UNC13B: variants seen among roughly 807,000 people sequenced by gnomAD.
UNC13B encodes protein unc-13 homolog B.
UNC13B carries 144 observed loss-of-function variants against 211.0 expected under a neutral mutation model. The ratio of observed to expected loss-of-function variants is 0.68; its 90% CI spans 0.60 to 0.78. The LOEUF (loss-of-function observed/expected upper bound fraction) is 0.78, where lower values mean the gene tolerates loss of function less well. Among genes scored for constraint, UNC13B ranks in the 30% least tolerant of loss-of-function variants. UNC13B has a pLI of 0.00. For synonymous variants in UNC13B, 709 were observed against 725.8 expected, an observed-to-expected ratio of 0.98 and a Z score of 0.37; for missense variants, 1,777 against 2,002.0, an observed-to-expected ratio of 0.89 and a Z score of 2.14.
At chr9:35,363,655 C>T (rs1055040074) in intron 11 of UNC13B, among the ~76,000 whole-genome samples, 2 of 152,160 alleles carry the variant, frequency 1.3e-5, no homozygotes, top group African/African-American at 4.8e-5. Flanking sequence ...TGGAGGGGCA[C>T]TAATGGACCA....
intron 1 of UNC13B, among the ~76,000 whole-genome samples, chr9:35,218,779 C>T (rs1310057977): frequency 4.0e-5 from 6 of 149,118 alleles, no homozygotes; most frequent in Middle Eastern, 3.4e-3. Context: ...GATGGAGTTT[C>T]GCTCTTGTTG....
chr9:35,385,111 GCTCAGCATCTCCCTTCAGCT>G, intron 22 of UNC13B: 1 of 985,420 alleles, frequency 1.0e-6, no homozygotes, highest in Non-Finnish European at 1.2e-6. Context: ...GTGAAGACAG[GCTCAGCATCTCCCTTCAGCT>G]CTTCATAGCA....
chr9:35,173,565 A>C (rs2131268617), intron 1 of UNC13B, among the ~76,000 whole-genome samples: 1 of 152,066 alleles, frequency 6.6e-6, no homozygotes, highest in Non-Finnish European at 1.5e-5. Context: ...TTGGGATTAC[A>C]GGCCCTCACC....
At chr9:35,270,853 A>G (rs1270718117) in intron 7 of UNC13B, among the ~76,000 whole-genome samples, 1 of 152,032 alleles carries the variant, frequency 6.6e-6, no homozygotes, top group Admixed American at 6.5e-5. Context: ...TTAAAAAGGC[A>G]TTTTCGGCCA....
chr9:35,302,974 A>G lies in UNC13B; in HGVS notation c.3570A>G (p.Leu1190=), dbSNP rs1829758875. 1 of 398,620 alleles carries G rather than the reference A, an allele frequency of 2.5e-6. No homozygotes were observed. 24.7% of individuals were successfully genotyped at this position (398,620 alleles called of 1,614,324 possible). Residue 1190 remains leucine, a synonymous_variant, in exon 9 of 40, where the codon CTA becomes CTG. Transcript: ENST00000635942. The part of the protein sequence containing the change: ...PGLISGIFNL[L]SNSGMIDHKP... ...TAATCTCTGGAATATTTAACCTGCT[A>G]TCAAATAGCGGTATGATTGATCATA...
rs976958764 is a variant in UNC13B at position 35,380,836 on chromosome 9, G to A, written c.10375+197G>A. Among the ~76,000 whole-genome samples, 3 of 152,156 alleles carry A rather than the reference G, an allele frequency of 2.0e-5. No individual in the cohort carries two copies. The South Asian group carries it at 6.2e-4, about 32-fold the overall frequency. ...TGGCTGTGAGTCACTCTGGCTGAAT[G>A]TTCTCTAGGTTTCAGAAGGCCCTTT... On this transcript the variant is annotated intron_variant, in intron 18 of 39. Transcript: ENST00000635942.
intron 11 of UNC13B, among the ~76,000 whole-genome samples, chr9:35,363,121 G>A (rs1191794653): frequency 6.6e-6 from 1 of 152,188 alleles, no homozygotes; most frequent in Non-Finnish European, 1.5e-5. Flanking sequence ...TTAGATTGTA[G>A]GAATGTATAT....
intron 11 of UNC13B, among the ~76,000 whole-genome samples, chr9:35,363,082 G>T (rs1299987829): frequency 6.6e-6 from 1 of 152,170 alleles, no homozygotes; most frequent in East Asian, 1.9e-4. Flanking sequence ...GGGGTTTTGA[G>T]TATGTGACGT....
Position 35,396,952 on chromosome 9 carries a change from T to C in UNC13B, c.11532+15T>C, listed in dbSNP as rs759674610. On this transcript the variant is annotated intron_variant, in intron 28 of 39. Coordinates refer to ENST00000635942, the MANE Select transcript of UNC13B (RefSeq NM_001371189.2). The stretch of plus-strand genomic sequence containing the variant: ...AGAAGGATGGAGTAAGTCAGGGGCT[T>C]TGGCTGCACCGGGTTCAGGCCAGGT... 1.3e-5 allele frequency: 21 copies of C among 1,613,876 alleles called. No homozygotes were observed. The highest frequency in any genetic ancestry group is 8.3e-5 in the Admixed American group (5 of 60,002).
At chr9:35,378,190 A>G in intron 16 of UNC13B, 105 bp from the exon 17 acceptor site, 3 of 1,429,630 alleles carry the variant, frequency 2.1e-6, no homozygotes, top group African/African-American at 1.4e-5. Flanking sequence ...GGATTACGGT[A>G]TCTGTGCAAG....
intron 26 of UNC13B, among the ~76,000 whole-genome samples, chr9:35,393,478 G>A (rs1263761433): frequency 6.6e-6 from 1 of 152,102 alleles, no homozygotes; most frequent in Non-Finnish European, 1.5e-5. Flanking sequence ...TCAGAGGGTA[G>A]GGGAAGAGAT....
chr9:35,319,024 T>C (rs1830602644), intron 11 of UNC13B, among the ~76,000 whole-genome samples: 1 of 152,230 alleles, frequency 6.6e-6, no homozygotes, highest in African/African-American at 2.4e-5. Context: ...ACTTTGGCTC[T>C]TAAAACTTCT....
At chr9:35,173,670 C>T (rs1241182038) in intron 1 of UNC13B, among the ~76,000 whole-genome samples, 5 of 152,122 alleles carry the variant, frequency 3.3e-5, no homozygotes, top group African/African-American at 7.2e-5. Flanking sequence ...GTAATCCGCC[C>T]GCCTCAGCCT....
chr9:35,194,151 G>C (rs754889278), intron 1 of UNC13B, among the ~76,000 whole-genome samples: 1 of 152,114 alleles, frequency 6.6e-6, no homozygotes, highest in Non-Finnish European at 1.5e-5. Context: ...GCTCACTGTC[G>C]GGGGGAGCCT....
In UNC13B at chr9:35,382,494, C is replaced by T; in HGVS notation, c.10793C>T (p.Ala3598Val). Residue 3598 changes from alanine (A) to valine (V), a missense_variant, in exon 21 of 40, where the codon GCC (alanine) becomes GTC (valine). Transcript: ENST00000635942. The stretch of plus-strand genomic sequence containing the variant: ...GTCTCTGCATCTGATCGCTTTGCAG[C>T]CTCCAACTTTGGGGTAAGTATCATG... The part of the protein sequence containing the change: ...TNVSASDRFA[A>V]SNFGKERFVK... 3.7e-6 allele frequency: 6 copies of T among 1,613,068 alleles called. No homozygotes were observed. The highest frequency in any genetic ancestry group is 5.1e-6 in the Non-Finnish European group (6 of 1,179,766).
At chr9:35,399,808 G>A (rs1330435491) in intron 36 of UNC13B, 79 bp downstream of exon 36, 3 of 1,426,856 alleles carry the variant, frequency 2.1e-6, no homozygotes, top group Admixed American at 3.4e-5. Context: ...CAGACCAGGT[G>A]TCCCTCCAAT....
intron 11 of UNC13B, among the ~76,000 whole-genome samples, chr9:35,366,442 T>C (rs1833775849): frequency 6.6e-6 from 1 of 152,108 alleles, no homozygotes; most frequent in Non-Finnish European, 1.5e-5. Context: ...TTAGTGTCAG[T>C]GAGTCAGAGG....
chr9:35,350,761 C>T (rs778737036), intron 11 of UNC13B, among the ~76,000 whole-genome samples: 9 of 152,230 alleles, frequency 5.9e-5, no homozygotes, highest in East Asian at 1.9e-4. Flanking sequence ...TCCAAGTGAA[C>T]GGTTGCCATC....
chr9:35,252,060 G>T (rs1826525711), intron 6 of UNC13B, among the ~76,000 whole-genome samples: 1 of 152,088 alleles, frequency 6.6e-6, no homozygotes, highest in Non-Finnish European at 1.5e-5. Flanking sequence ...GCACATTCTG[G>T]ATTTTGCTGA....
Sources: allele counts gnomAD v4.1 joint callset (sites outside exome capture counted in the v4.1 genomes callset), GRCh38; gene constraint gnomAD v4.1.1; transcripts MANE v1.5; gene names NCBI Gene and HGNC (gene_info 2026-07-23, HGNC 2026-07-21).